CROCC: variants seen among roughly 807,000 people sequenced by gnomAD.
The protein encoded by CROCC is ciliary rootlet coiled-coil, rootletin, also known as rootletin.
Under a neutral mutation model 245.2 loss-of-function variants are expected in CROCC, and 180 were observed. The observed-to-expected ratio is 0.73, with a 90% CI of 0.65 to 0.83. CROCC has a LOEUF of 0.83. Among genes scored for constraint, CROCC ranks in the 40% least tolerant of loss-of-function variants. The probability of loss-of-function intolerance (pLI) is 0.00; values close to 1 mark genes in which losing one functional copy is unlikely to be tolerated. For synonymous variants in CROCC, 1,205 were observed against 1,241.6 expected (o/e 0.97, Z 0.62); for missense variants, 2,688 against 2,779.4 (o/e 0.97, Z 0.74).
intron 1 of CROCC, among the ~76,000 whole-genome samples, chr1:16,914,996 G>A (rs2075286770): frequency 6.6e-6 from 1 of 152,244 alleles, no homozygotes; most frequent in Non-Finnish European, 1.5e-5. Context: ...AGACGACAGC[G>A]AGGTTCAGGC....
In CROCC at chr1:16,971,588, C is replaced by G. The variant is rs1036608962; in HGVS notation, c.5908C>G (p.Arg1970Gly). The stretch of plus-strand genomic sequence containing the variant: ...GCGCAGCGCCCAGGCGCAGACTGAG[C>G]GCACCCTGGAGGCTCGGGAGCGGGC... ...RLRSAQAQTE[R>G]TLEARERAHR... Residue 1970 changes from arginine to glycine, a missense_variant, in exon 36 of 37, where the codon CGC (arginine) becomes GGC (glycine). Arg to Gly is a moderately radical substitution (Grantham distance 125, BLOSUM62 -2). Transcript: ENST00000375541. 3 of 1,529,040 alleles carry G rather than the reference C, an allele frequency of 2.0e-6. No homozygotes were observed. The highest frequency in any genetic ancestry group is 2.1e-4 in the Middle Eastern group (1 of 4,808). 94.7% of individuals were successfully genotyped at this position (1,529,040 alleles called of 1,614,324 possible). A position where few individuals can be genotyped will look rare whatever the true frequency, so the allele number is the denominator to read the frequency against.
In CROCC at chr1:16,954,528, T is replaced by C. The variant is rs1450957190; in HGVS notation, c.3321+171T>C. Among the ~76,000 whole-genome samples the C allele has an allele frequency of 6.6e-6, 1 of 152,216 alleles. No homozygotes were observed. Among genetic ancestry groups the C allele is most frequent in the Non-Finnish European group, 1.5e-5 (1 of 68,036 alleles). The stretch of plus-strand genomic sequence containing the variant: ...CCATCTGAGGGAGGTGGCTCAGCCC[T>C]GCCCTGATGAATCCTTTTGGCGTGA... On this transcript the variant is annotated intron_variant, in intron 22 of 36. Transcript: ENST00000375541. The surrounding 1 kb of genome is among the most constrained non-coding windows in gnomAD (Gnocchi z 4.4).
At chr1:16,931,956 G>A (rs1337128559) in intron 8 of CROCC, among the ~76,000 whole-genome samples, 34 of 151,668 alleles carry the variant, frequency 2.2e-4, no homozygotes, top group Non-Finnish European at 4.7e-4. Context: ...TAGTAGAGAC[G>A]GGGTTTCACC....
chr1:16,940,794 A>G (rs2075913547), intron 13 of CROCC: 1 of 327,098 alleles, frequency 3.1e-6, no homozygotes, highest in Non-Finnish European at 6.2e-6. Context: ...TTGGTCCATC[A>G]CAGCTCACTG....
At chr1:16,934,679 T>G (rs2075749201) in intron 8 of CROCC, among the ~76,000 whole-genome samples, 1 of 152,274 alleles carries the variant, frequency 6.6e-6, no homozygotes, top group African/African-American at 2.4e-5. Flanking sequence ...AAGTCACATG[T>G]TCACAAGGTT....
At chr1:16,968,515 G>A in intron 31 of CROCC, 97 bp downstream of exon 31, 1 of 1,216,490 alleles carries the variant, frequency 8.2e-7, no homozygotes, top group South Asian at 1.7e-5. Flanking sequence ...TGTGAGGCAA[G>A]TATTACCCAC....
intron 27 of CROCC, among the ~76,000 whole-genome samples, chr1:16,962,753 G>A (rs2076355384): frequency 6.7e-6 from 1 of 149,382 alleles, no homozygotes; most frequent in Admixed American, 6.7e-5. Context: ...TTTTTTAGGA[G>A]AGATGGGGTT....
intron 20 of CROCC, among the ~76,000 whole-genome samples, chr1:16,952,927 C>T (rs1426221601): frequency 6.6e-6 from 1 of 152,246 alleles, no homozygotes; most frequent in Non-Finnish European, 1.5e-5. Context: ...CCTGTCCTGG[C>T]CCCACCCCTG....
At chr1:16,915,967 T>G (rs1157425826) in intron 1 of CROCC, among the ~76,000 whole-genome samples, 1 of 152,196 alleles carries the variant, frequency 6.6e-6, no homozygotes, top group Non-Finnish European at 1.5e-5. Context: ...TCACTTGAGG[T>G]CAGGAGTTTA....
At chr1:16,914,114 C>T (rs1323295004) in intron 1 of CROCC, among the ~76,000 whole-genome samples, 1 of 151,428 alleles carries the variant, frequency 6.6e-6, no homozygotes, top group Admixed American at 6.6e-5. Context: ...TCGGCAGCAG[C>T]GGCTGCGGCG....
chr1:16,940,795 C>T (rs2075913585), intron 13 of CROCC: 2 of 329,734 alleles, frequency 6.1e-6, no homozygotes, highest in South Asian at 4.7e-5. Flanking sequence ...TGGTCCATCA[C>T]AGCTCACTGT....
intron 13 of CROCC, among the ~76,000 whole-genome samples, chr1:16,940,572 T>C (rs1267579221): frequency 6.6e-6 from 1 of 152,230 alleles, no homozygotes; most frequent in Admixed American, 6.5e-5. Flanking sequence ...GTATTTTTAG[T>C]AGAGACGGGG....
chr1:16,960,630 G>A, intron 26 of CROCC, 128 bp from the exon 27 acceptor site: 3 of 1,207,328 alleles, frequency 2.5e-6, no homozygotes, highest in Non-Finnish European at 3.1e-6. Context: ...CTTGAGTGGC[G>A]AGCACTAAAG....
intron 3 of CROCC, among the ~76,000 whole-genome samples, chr1:16,927,572 G>A (rs12144271): frequency 0.16 from 23,166 of 148,568 alleles, no homozygotes; most frequent in East Asian, 0.4. Flanking sequence ...AGCCGTTCAC[G>A]GGAAGGCTCA....
intron 8 of CROCC, 35 bp from the exon 9 acceptor site, chr1:16,936,602 C>G (rs760681608): frequency 6.5e-7 from 1 of 1,529,144 alleles, no homozygotes; most frequent in Non-Finnish European, 8.8e-7. Flanking sequence ...TGGGAGCAAG[C>G]CCCATCCATC....
At chr1:16,921,802 C>G (rs1011664406), upstream of CROCC, 3 of 571,032 alleles carry the variant, frequency 5.3e-6, no homozygotes, top group African/African-American at 3.9e-5. Context: ...CTTTGGCTCC[C>G]TGCCTCTGCT....
intron 36 of CROCC, among the ~76,000 whole-genome samples, chr1:16,971,955 G>C (rs2076528960): frequency 6.6e-6 from 1 of 152,210 alleles, no homozygotes; most frequent in Non-Finnish European, 1.5e-5. Context: ...TCTCAGAAGA[G>C]AGCAGGGGCA....
In CROCC at chr1:16,922,838, C is replaced by A. The variant is rs552860704; in HGVS notation, c.196+40C>A. ...CGCTCCCCTCCACAAACACCACCCACATTTTACCTCTTCTCATGTCCCTTT... is the reference window on the plus strand; with the variant it reads ...CGCTCCCCTCCACAAACACCACCCAAATTTTACCTCTTCTCATGTCCCTTT... On this transcript the variant is annotated intron_variant, in intron 2 of 36. Coordinates refer to ENST00000375541, the MANE Select transcript of CROCC (RefSeq NM_014675.5). The A allele has an allele frequency of 2.6e-5, 41 of 1,595,514 alleles. No homozygotes were observed. In the South Asian group the frequency reaches 4.6e-4, roughly 18 times the overall value.
intron 8 of CROCC, among the ~76,000 whole-genome samples, chr1:16,932,864 ATCTTT>A (rs1445532552): frequency 2.6e-5 from 4 of 152,246 alleles, no homozygotes; most frequent in African/African-American, 7.2e-5. Context: ...TTAGTTAGTA[ATCTTT>A]TCTTTTCTTT....
Sources: gnomAD v4.1 joint callset for allele counts (sites outside exome capture counted in the v4.1 genomes callset) on GRCh38, gnomAD v4.1.1 for gene constraint, Gnocchi (gnomAD v3.1) non-coding constraint, MANE v1.5 for transcripts, NCBI Gene and HGNC (gene_info 2026-07-23, HGNC 2026-07-21) for gene names.